The following CDH13 variants were observed in gnomAD, a reference collection of about 807,000 sequenced individuals.
CDH13 encodes the protein cadherin-13.
CDH13 carries 24 observed loss-of-function variants against 63.8 expected under a neutral mutation model. The observed-to-expected ratio is 0.38, with a 90% CI of 0.27 to 0.53. The LOEUF is 0.53. Among genes scored for constraint, CDH13 ranks in the 20% least tolerant of loss-of-function variants. The probability of loss-of-function intolerance (pLI) is 0.85; values close to 1 mark genes in which losing one functional copy is unlikely to be tolerated. For missense variants in CDH13, 1,049 were observed against 903.1 expected, an observed-to-expected ratio of 1.16 and a Z score of -2.07; for synonymous variants, 503 against 355.3, an observed-to-expected ratio of 1.42 and a Z score of -4.67.
At chr16:82,699,677 T>C (rs2030751799) in intron 1 of CDH13, among the ~76,000 whole-genome samples, 1 of 152,240 alleles carries the variant, frequency 6.6e-6, no homozygotes, top group South Asian at 2.1e-4. Context: ...ACATTTTGCA[T>C]CCTTACACTT....
At chr16:83,237,128 A>T (rs2040168992) in intron 5 of CDH13, among the ~76,000 whole-genome samples, 2 of 152,164 alleles carry the variant, frequency 1.3e-5, no homozygotes, top group Non-Finnish European at 2.9e-5. Context: ...TTTTATGTAG[A>T]TGAAAACAAT....
chr16:82,677,446 C>CTTTTTTTTTTTTTT (rs3041877), intron 1 of CDH13, among the ~76,000 whole-genome samples: 2 of 130,712 alleles, frequency 1.5e-5, no homozygotes, highest in African/African-American at 5.7e-5. Context: ...ACTCTTCTGC[C>CTTTTTTTTTTTTTT]TTTTTTTTTT....
chr16:83,521,032 C>G (rs757434933), intron 7 of CDH13, among the ~76,000 whole-genome samples: 1 of 152,128 alleles, frequency 6.6e-6, no homozygotes, highest in Non-Finnish European at 1.5e-5. Flanking sequence ...TTTCTAACAT[C>G]TGTTCTAATA....
At chr16:82,840,386 A>C (rs1265202977) in intron 1 of CDH13, among the ~76,000 whole-genome samples, 2 of 151,460 alleles carry the variant, frequency 1.3e-5, no homozygotes, top group African/African-American at 2.4e-5. Context: ...GAAAAGGAAA[A>C]AAAAAAAAAA....
chr16:83,356,136 G>A (rs534006607), intron 6 of CDH13, among the ~76,000 whole-genome samples: 2 of 151,904 alleles, frequency 1.3e-5, no homozygotes, highest in South Asian at 4.2e-4. Context: ...TGATGATGTT[G>A]CAAGTAATTC....
At chr16:83,743,813 G>A (rs1293535181) in intron 10 of CDH13, among the ~76,000 whole-genome samples, 2 of 122,718 alleles carry the variant, frequency 1.6e-5, no homozygotes, top group East Asian at 5.4e-4. Context: ...AAGGAGAAAA[G>A]ATGTAATAAA....
At chr16:83,699,115 C>A (rs1194497460) in intron 10 of CDH13, among the ~76,000 whole-genome samples, 1 of 152,218 alleles carries the variant, frequency 6.6e-6, no homozygotes, top group African/African-American at 2.4e-5. Context: ...AAGCCCTCGG[C>A]CAATGTTTGC....
intron 12 of CDH13, among the ~76,000 whole-genome samples, chr16:83,782,539 C>T (rs1915600304): frequency 6.6e-6 from 1 of 152,034 alleles, no homozygotes; most frequent in South Asian, 2.1e-4. Context: ...AGTTTGAGAC[C>T]AGCATGGCCA....
At chr16:83,777,908 T>C (rs1283259195) in intron 11 of CDH13, among the ~76,000 whole-genome samples, 1 of 152,260 alleles carries the variant, frequency 6.6e-6, no homozygotes, top group Non-Finnish European at 1.5e-5. Context: ...GTTAGATTAG[T>C]ACTGTATAGT....
At chr16:83,314,362 A>G (rs1364212027) in intron 5 of CDH13, among the ~76,000 whole-genome samples, 1 of 152,206 alleles carries the variant, frequency 6.6e-6, no homozygotes, top group East Asian at 1.9e-4. Flanking sequence ...TATAAAAATA[A>G]TTTGGTATTT....
chr16:83,596,214 T>C (rs1365388062), intron 7 of CDH13, among the ~76,000 whole-genome samples: 2 of 152,186 alleles, frequency 1.3e-5, no homozygotes, highest in Non-Finnish European at 1.5e-5. Context: ...CAAGTGAAAG[T>C]GAACCTGGAC....
chr16:83,269,225 A>G lies in CDH13; in HGVS notation c.636+51728A>G, dbSNP rs16960041. 5.8e-3 allele frequency among the ~76,000 whole-genome samples: 888 copies of G among 152,294 alleles called. 9 individuals are homozygous for G. Among genetic ancestry groups the G allele is most frequent in the African/African-American group, 0.02 (852 of 41,562 alleles). On this transcript the variant is annotated intron_variant, in intron 5 of 13. Transcript: ENST00000567109. ...AACATAGTTTGCATAATTGCAGAGA[A>G]CTCACCAGATGACTGTTGTATCTTA...
chr16:83,221,660 TG>T (rs537901799), intron 5 of CDH13, among the ~76,000 whole-genome samples: 25 of 63,390 alleles, frequency 3.9e-4, no homozygotes, highest in African/African-American at 1.3e-3. Context: ...AGGAAGACGG[TG>T]GGGGGGCGGT....
rs80058941 is a variant in CDH13 at position 83,091,271 on chromosome 16, A to G, written c.367-34114A>G. Among the ~76,000 whole-genome samples the G allele has an allele frequency of 7.2e-3, 1,025 of 142,258 alleles. 17 individuals carry two copies. Among genetic ancestry groups the G allele is most frequent in the African/African-American group, 0.026 (915 of 34,818 alleles). The allele number at this position is 142,258 out of a possible 152,430, so 93.3% of individuals were successfully genotyped here. A position where few individuals can be genotyped will look rare whatever the true frequency, so the allele number is the denominator to read the frequency against. The stretch of plus-strand genomic sequence containing the variant: ...CTTTTTCTCCATCTTCTGCTATCAG[A>G]AAAAAAAAAATTCCATGAGCACTTG... On this transcript the variant is annotated intron_variant, in intron 3 of 13. Coordinates refer to ENST00000567109, the MANE Select transcript of CDH13 (RefSeq NM_001257.5).
chr16:83,166,327 G>T (rs1048579323), intron 4 of CDH13, among the ~76,000 whole-genome samples: 2 of 152,086 alleles, frequency 1.3e-5, no homozygotes, highest in East Asian at 3.9e-4. Flanking sequence ...CAGCGGGGAG[G>T]AAGGGGCTTA....
chr16:83,166,938 G>A (rs111485738), intron 4 of CDH13, among the ~76,000 whole-genome samples: 4 of 152,212 alleles, frequency 2.6e-5, no homozygotes, highest in African/African-American at 9.6e-5. Flanking sequence ...CTCACAATTA[G>A]CTGCCTAAGA....
At chr16:82,715,692 C>G (rs1016614422) in intron 1 of CDH13, among the ~76,000 whole-genome samples, 2 of 152,130 alleles carry the variant, frequency 1.3e-5, no homozygotes, top group Non-Finnish European at 2.9e-5. Context: ...AGAGACCACA[C>G]TGTGGAAGGG....
At chr16:82,751,765 T>C (rs78544115) in intron 1 of CDH13, among the ~76,000 whole-genome samples, 2,261 of 152,174 alleles carry the variant, frequency 0.015, 56 homozygotes, top group African/African-American at 0.052. Flanking sequence ...TTTCGTTTTG[T>C]ACCTAGCTCT....
intron 7 of CDH13, among the ~76,000 whole-genome samples, chr16:83,513,110 G>C (rs565175476): frequency 4.1e-4 from 63 of 152,080 alleles, no homozygotes; most frequent in African/African-American, 1.5e-3. Flanking sequence ...TTCAAGAATT[G>C]TCTTCGAGCC....
Sources: allele counts gnomAD v4.1 joint callset (sites outside exome capture counted in the v4.1 genomes callset), GRCh38; gene constraint gnomAD v4.1.1; transcripts MANE v1.5; gene names NCBI Gene and HGNC (gene_info 2026-07-23, HGNC 2026-07-21).